TIAM1: variants seen among roughly 807,000 people sequenced by gnomAD.
The protein encoded by TIAM1 is rho guanine nucleotide exchange factor TIAM1.
Under a neutral mutation model 163.5 loss-of-function variants are expected in TIAM1, and 65 were observed. That is an observed-to-expected ratio of 0.40 (90% confidence interval 0.33 to 0.49). The LOEUF (loss-of-function observed/expected upper bound fraction) is 0.49. Among genes scored for constraint, TIAM1 ranks in the 20% least tolerant of loss-of-function variants. The probability of loss-of-function intolerance (pLI) is 0.77; values close to 1 mark genes in which losing one functional copy is unlikely to be tolerated. For synonymous variants in TIAM1, 833 were observed against 810.1 expected (o/e 1.03, Z -0.48); for missense variants, 1,789 against 2,044.7 (o/e 0.87, Z 2.41).
At chr21:31,142,560 G>A (rs1254631519) in intron 20 of TIAM1, among the ~76,000 whole-genome samples, 1 of 149,532 alleles carries the variant, frequency 6.7e-6, no homozygotes, top group Admixed American at 6.6e-5. Flanking sequence ...GAACCTGGGA[G>A]GCGGAGGTTG....
At chr21:31,244,381 T>C (rs1271922064) in intron 6 of TIAM1, among the ~76,000 whole-genome samples, 1 of 152,202 alleles carries the variant, frequency 6.6e-6, no homozygotes, top group Non-Finnish European at 1.5e-5. Flanking sequence ...TACCACATTA[T>C]AAAGATTTGC....
intron 2 of TIAM1, among the ~76,000 whole-genome samples, chr21:31,365,248 T>C (rs917172285): frequency 1.3e-5 from 2 of 152,174 alleles, no homozygotes; most frequent in East Asian, 3.9e-4. Context: ...ACAACGCACA[T>C]TTTCTATTCT....
chr21:31,548,017 A>G (rs763118942), intron 1 of TIAM1, among the ~76,000 whole-genome samples: 1 of 152,224 alleles, frequency 6.6e-6, no homozygotes, highest in Non-Finnish European at 1.5e-5. Flanking sequence ...TCCAGCTAAA[A>G]TAATAACCAA....
chr21:31,120,540 T>C lies in TIAM1; in HGVS notation c.4604A>G (p.Gln1535Arg). 6.2e-7 allele frequency: 1 copy of C among 1,614,244 alleles called. No individual in the cohort carries two copies. The highest frequency in any genetic ancestry group is 1.1e-5 in the South Asian group (1 of 91,086). The change falls in exon 28 of 28, where the codon CAG (glutamine) becomes CGG (arginine). Residue 1535 changes from glutamine to arginine, a missense_variant. Physicochemically the swap from Gln to Arg is conservative, Grantham distance 43. Transcript: ENST00000541036. The surrounding 1 kb of genome is among the most constrained non-coding windows in gnomAD (Gnocchi z 4.2). Reference sequence around the variant, plus strand: ...CAGGGTTTTCCGGCCTCTTTCCCGCTGACTGATGGAGGTGGCCTGAAGCCG... The same window carrying C: ...CAGGGTTTTCCGGCCTCTTTCCCGCCGACTGATGGAGGTGGCCTGAAGCCG... ...QERLQATSISQRERGRKTLDS... is the reference protein window; with the variant it reads ...QERLQATSISRRERGRKTLDS...
chr21:31,449,699 T>C (rs1382087093), intron 2 of TIAM1, among the ~76,000 whole-genome samples: 4 of 152,100 alleles, frequency 2.6e-5, no homozygotes, highest in Admixed American at 6.6e-5. Context: ...TAAATGCTTG[T>C]TCCCTCCACA....
At chr21:31,384,026 C>T (rs1263796357) in intron 2 of TIAM1, among the ~76,000 whole-genome samples, 4 of 152,078 alleles carry the variant, frequency 2.6e-5, no homozygotes, top group Admixed American at 2.6e-4. Context: ...AGGAGCAATG[C>T]AAATTGCTAA....
Position 31,321,730 on chromosome 21 carries a change from C to T in TIAM1, c.-189+17513G>A, listed in dbSNP as rs117467182. On this transcript the variant is annotated intron_variant, in intron 2 of 27. Transcript: ENST00000541036. ...GCTCCTTATAACATAAGAAGCCAAACTGATTGAAACTTTAACCCTTCTTGA... is the reference window on the plus strand; with the variant it reads ...GCTCCTTATAACATAAGAAGCCAAATTGATTGAAACTTTAACCCTTCTTGA... Among the ~76,000 whole-genome samples the T allele has an allele frequency of 2.4e-4, 37 of 152,138 alleles. No homozygotes were observed. The East Asian group carries it at 7.0e-3, about 29-fold the overall frequency.
chr21:31,491,779 A>G (rs2046476398), intron 1 of TIAM1, among the ~76,000 whole-genome samples: 1 of 152,256 alleles, frequency 6.6e-6, no homozygotes, highest in Admixed American at 6.5e-5. Flanking sequence ...TGAATCTACG[A>G]GACTTTGGAG....
At chr21:31,388,414 G>A (rs572902404) in intron 2 of TIAM1, among the ~76,000 whole-genome samples, 6 of 152,224 alleles carry the variant, frequency 3.9e-5, no homozygotes, top group African/African-American at 9.6e-5. Flanking sequence ...GCTGAGGCAG[G>A]AGGATCACTT....
intron 1 of TIAM1, among the ~76,000 whole-genome samples, chr21:31,527,842 C>T (rs947045905): frequency 1.3e-5 from 2 of 152,116 alleles, no homozygotes; most frequent in African/African-American, 4.8e-5. Flanking sequence ...ATGTTGATCA[C>T]ATTGAGTCCC....
At chr21:31,335,712 A>AAAAAAG (rs1350865159) in intron 2 of TIAM1, among the ~76,000 whole-genome samples, 3 of 152,054 alleles carry the variant, frequency 2.0e-5, no homozygotes, top group Non-Finnish European at 4.4e-5. Flanking sequence ...CTCCAAAAAA[A>AAAAAAG]AAGAAAAAAG....
chr21:31,460,826 C>T (rs946008547), intron 2 of TIAM1, among the ~76,000 whole-genome samples: 3 of 152,096 alleles, frequency 2.0e-5, no homozygotes, highest in Non-Finnish European at 2.9e-5. Flanking sequence ...TTCTTTTCTT[C>T]CACCATTTTT....
intron 24 of TIAM1, 48 bp downstream of exon 24, chr21:31,130,842 C>G (rs370057783): frequency 3.9e-6 from 6 of 1,543,602 alleles, no homozygotes; most frequent in Non-Finnish European, 3.6e-6. Flanking sequence ...AACTGATAAG[C>G]AGATAGAGAA....
At chr21:31,280,373 C>T (rs569653741) in intron 2 of TIAM1, among the ~76,000 whole-genome samples, 64 of 152,330 alleles carry the variant, frequency 4.2e-4, no homozygotes, top group African/African-American at 1.5e-3. Context: ...TCTTTGCCTA[C>T]GGCCATCCAG....
Position 31,521,697 on chromosome 21 carries a change from C to T in TIAM1, c.-422+37230G>A, listed in dbSNP as rs1327914616. 4.0e-5 allele frequency among the ~76,000 whole-genome samples: 6 copies of T among 151,260 alleles called. No homozygotes were observed. In the Admixed American group the frequency reaches 4.0e-4, roughly 10 times the overall value. On this transcript the variant is annotated intron_variant, in intron 1 of 28. Coordinates refer to the TIAM1 transcript ENST00000286827. ...GGCTGTAGTGAGCCATGACTTGTAC[C>T]ACTGCATGCCAGCCTGGGCAACAGA...
chr21:31,394,724 TCTCTCACA>T (rs1286155053), intron 2 of TIAM1, among the ~76,000 whole-genome samples: 67 of 128,906 alleles, frequency 5.2e-4, no homozygotes, highest in South Asian at 2.4e-3. Context: ...TCTCTCTCTC[TCTCTCACA>T]CACACACACA....
intron 19 of TIAM1, among the ~76,000 whole-genome samples, chr21:31,149,496 T>A (rs2083283153): frequency 6.6e-6 from 1 of 152,140 alleles, no homozygotes; most frequent in South Asian, 2.1e-4. Context: ...CTCCCTAGAA[T>A]AACACTGCTC....
rs2073320811 is a variant in TIAM1, at chr21:31,276,850, C to A, written c.-130G>T. On this transcript the variant is annotated 5_prime_UTR_variant, in exon 3 of 28. Coordinates refer to ENST00000541036, the MANE Select transcript of TIAM1 (RefSeq NM_001353694.2). ...CACAGGGCTGGGGACGATGTCAGCA[C>A]CTGCCCCCTGCGGTGGCCATCACAG... 1 of 152,192 alleles carries A rather than the reference C, an allele frequency of 6.6e-6. No homozygotes were observed. The highest frequency in any genetic ancestry group is 2.4e-5 in the African/African-American group (1 of 41,452). 9.4% of individuals were successfully genotyped at this position (152,192 alleles called of 1,614,324 possible).
upstream of TIAM1, among the ~76,000 whole-genome samples, chr21:31,344,511 TGC>T (rs1487399923): frequency 9.9e-5 from 15 of 152,218 alleles, no homozygotes; most frequent in African/African-American, 3.4e-4. Context: ...AAAGCGTGAG[TGC>T]TTGTCAAATA....
Sources: gnomAD v4.1 joint callset for allele counts (sites outside exome capture counted in the v4.1 genomes callset) on GRCh38, gnomAD v4.1.1 for gene constraint, Gnocchi (gnomAD v3.1) non-coding constraint, MANE v1.5 for transcripts, NCBI Gene and HGNC (gene_info 2026-07-23, HGNC 2026-07-21) for gene names.